The following ARHGAP15 variants were observed in gnomAD, a reference collection of about 807,000 sequenced individuals.
ARHGAP15 encodes the protein Rho GTPase activating protein 15.
ARHGAP15 carries 51 observed loss-of-function variants against 63.7 expected under a neutral mutation model. The ratio of observed to expected loss-of-function variants is 0.80; its 90% CI spans 0.64 to 1.01. ARHGAP15 has a LOEUF of 1.01. ARHGAP15 is among the 50% of genes least tolerant of loss of function. The probability of loss-of-function intolerance (pLI) is 0.00; values close to 1 mark genes in which losing one functional copy is unlikely to be tolerated. For synonymous variants in ARHGAP15, 191 were observed against 193.8 expected, an observed-to-expected ratio of 0.99 and a Z score of 0.12; for missense variants, 560 against 564.6, an observed-to-expected ratio of 0.99 and a Z score of 0.08.
intron 12 of ARHGAP15, among the ~76,000 whole-genome samples, chr2:143,656,792 G>T (rs1180192833): frequency 6.6e-6 from 1 of 151,992 alleles, no homozygotes; most frequent in African/African-American, 2.4e-5. Context: ...TTCTCTCCTG[G>T]CCTCCTGAGT....
At chr2:143,493,746 C>CCT (rs1040704394) in intron 9 of ARHGAP15, among the ~76,000 whole-genome samples, 5 of 152,206 alleles carry the variant, frequency 3.3e-5, no homozygotes, top group African/African-American at 1.2e-4. Context: ...TTCCACTGCT[C>CCT]CTCTGTGTTG....
At chr2:143,193,104 T>G (rs1327454541) in intron 2 of ARHGAP15, among the ~76,000 whole-genome samples, 1 of 152,108 alleles carries the variant, frequency 6.6e-6, no homozygotes, top group African/African-American at 2.4e-5. Flanking sequence ...ACAGTTATAA[T>G]CGAAGGTGGA....
intron 2 of ARHGAP15, among the ~76,000 whole-genome samples, chr2:143,191,224 A>G (rs1691675314): frequency 1.3e-5 from 2 of 152,092 alleles, no homozygotes; most frequent in South Asian, 4.2e-4. Flanking sequence ...TCAATTAAAG[A>G]CTCATTGTCG....
intron 6 of ARHGAP15, among the ~76,000 whole-genome samples, chr2:143,359,053 A>G (rs527848501): frequency 2.6e-5 from 4 of 152,288 alleles, no homozygotes; most frequent in African/African-American, 9.6e-5. Context: ...TTAAACATGT[A>G]CTATCTACAT....
intron 6 of ARHGAP15, among the ~76,000 whole-genome samples, chr2:143,355,790 AATTATATC>A (rs1685783219): frequency 1.3e-5 from 2 of 152,288 alleles, no homozygotes; most frequent in East Asian, 3.9e-4. Context: ...AACAGTTAAA[AATTATATC>A]TGCACCTGAT....
At position 143,636,907 on chromosome 2, in the gene ARHGAP15, G is replaced by A. The variant is rs371659436; in HGVS notation, c.1138+12640G>A. Among the ~76,000 whole-genome samples the A allele has an allele frequency of 2.8e-4, 43 of 152,190 alleles. 1 individual carries two copies. The East Asian group carries it at 6.8e-3, about 24-fold the overall frequency. ...TCTGGAGCCTGGAAGTCCAAGATGA[G>A]GGCACCAGCATGGTCAGTTCCTGGT... On this transcript the variant is annotated intron_variant, in intron 12 of 13. Transcript: ENST00000295095.
intron 2 of ARHGAP15, among the ~76,000 whole-genome samples, chr2:143,169,069 G>T (rs1395519747): frequency 6.6e-6 from 1 of 152,036 alleles, no homozygotes; most frequent in Non-Finnish European, 1.5e-5. Context: ...CTTGCAACTG[G>T]CATGTTGAAT....
At chr2:143,221,743 T>C (rs1693006418) in intron 4 of ARHGAP15, among the ~76,000 whole-genome samples, 2 of 152,190 alleles carry the variant, frequency 1.3e-5, no homozygotes, top group South Asian at 4.1e-4. Context: ...CTTACCACAA[T>C]ATAGAGTCAC....
At position 143,653,561 on chromosome 2, in the gene ARHGAP15, T is replaced by A. The variant is rs959586924; in HGVS notation, c.1138+29294T>A. 3.9e-5 allele frequency among the ~76,000 whole-genome samples: 6 copies of A among 152,158 alleles called. No homozygotes were observed. In the East Asian group the frequency reaches 9.6e-4, roughly 24 times the overall value. On this transcript the variant is annotated intron_variant, in intron 12 of 13. Coordinates refer to ENST00000295095, the MANE Select transcript of ARHGAP15 (RefSeq NM_018460.4). ...TTTCTTATCATTCTTTTATTGTCTA[T>A]GGAATAGTGATGTCATCTCCCTCAT...
intron 9 of ARHGAP15, among the ~76,000 whole-genome samples, chr2:143,501,310 G>A (rs1693042848): frequency 6.6e-6 from 1 of 152,120 alleles, no homozygotes; most frequent in South Asian, 2.1e-4. Flanking sequence ...ATGCATTGAA[G>A]CCTTTACAAT....
chr2:143,270,068 G>A (rs1055992251), intron 6 of ARHGAP15, among the ~76,000 whole-genome samples: 6 of 152,030 alleles, frequency 3.9e-5, no homozygotes, highest in African/African-American at 1.5e-4. Flanking sequence ...CACCTCTCGG[G>A]TTCAAGCGAT....
chr2:143,194,262 T>A (rs888957624), intron 2 of ARHGAP15, among the ~76,000 whole-genome samples: 1 of 152,222 alleles, frequency 6.6e-6, no homozygotes, highest in Non-Finnish European at 1.5e-5. Context: ...TAGTTGTGGA[T>A]AAAATATCAG....
At chr2:143,204,660 T>C (rs1692255109) in intron 3 of ARHGAP15, among the ~76,000 whole-genome samples, 1 of 152,080 alleles carries the variant, frequency 6.6e-6, no homozygotes, top group Non-Finnish European at 1.5e-5. Context: ...TGGCTTTTAG[T>C]CTACCCCAGG....
At chr2:143,629,245 G>A (rs1407878231) in intron 12 of ARHGAP15, among the ~76,000 whole-genome samples, 1 of 150,596 alleles carries the variant, frequency 6.6e-6, no homozygotes, top group African/African-American at 2.4e-5. Flanking sequence ...GTAATCCCTT[G>A]TCTGATAATA....
At chr2:143,490,109 C>T (rs1312768026) in intron 9 of ARHGAP15, among the ~76,000 whole-genome samples, 1 of 152,170 alleles carries the variant, frequency 6.6e-6, no homozygotes, top group Non-Finnish European at 1.5e-5. Context: ...ACGCCATTCT[C>T]CTGCCTCAGC....
intron 6 of ARHGAP15, among the ~76,000 whole-genome samples, chr2:143,255,454 T>C (rs959697799): frequency 3.3e-5 from 5 of 152,080 alleles, no homozygotes; most frequent in Non-Finnish European, 7.4e-5. Flanking sequence ...TTGGATGGAG[T>C]CTTCTGACTA....
intron 6 of ARHGAP15, among the ~76,000 whole-genome samples, chr2:143,413,966 T>TGCGCGCGC (rs1553476592): frequency 2.3e-4 from 27 of 117,922 alleles, no homozygotes; most frequent in Admixed American, 1.4e-3. Flanking sequence ...TGTGTGTGTG[T>TGCGCGCGC]GCGCGCTCTC....
chr2:143,542,703 A>G (rs556234088), intron 10 of ARHGAP15, among the ~76,000 whole-genome samples: 1 of 136,706 alleles, frequency 7.3e-6, no homozygotes, highest in East Asian at 2.0e-4. Flanking sequence ...TCACATATAT[A>G]ATATATATGA....
At chr2:143,271,391 CG>C (rs1681272926) in intron 6 of ARHGAP15, among the ~76,000 whole-genome samples, 1 of 152,176 alleles carries the variant, frequency 6.6e-6, no homozygotes, top group Non-Finnish European at 1.5e-5. Context: ...ACATTTTCTC[CG>C]TATCTTTTAA....
Sources: gnomAD v4.1 joint callset for allele counts (sites outside exome capture counted in the v4.1 genomes callset) on GRCh38, gnomAD v4.1.1 for gene constraint, MANE v1.5 for transcripts, NCBI Gene and HGNC (gene_info 2026-07-23, HGNC 2026-07-21) for gene names.